Variants in CCNB3 observed in about 807,000 individuals in gnomAD.
The protein encoded by CCNB3 is G2/mitotic-specific cyclin-B3.
CCNB3 carries 12 observed loss-of-function variants against 68.0 expected under a neutral mutation model. That is an observed-to-expected ratio of 0.18 (90% CI 0.11 to 0.29). The LOEUF is 0.29. CCNB3 is among the 10% of genes least tolerant of loss of function. The pLI, the probability that CCNB3 is intolerant of heterozygous loss-of-function variation, is 1.00. For synonymous variants in CCNB3, 354 were observed against 388.9 expected (o/e 0.91, Z 1.06); for missense variants, 904 against 993.1 (o/e 0.91, Z 1.21).
intron 1 of CCNB3, among the ~76,000 whole-genome samples, chrX:50,281,166 A>C (rs911174733): frequency 9.0e-6 from 1 of 111,204 alleles, no homozygotes; most frequent in Non-Finnish European, 1.9e-5. Flanking sequence ...CTTCAGAGGC[A>C]GAGTTGGATT....
intron 5 of CCNB3, among the ~76,000 whole-genome samples, chrX:50,305,098 G>A (rs782048000): frequency 0.023 from 2,575 of 111,636 alleles, 64 homozygotes; most frequent in African/African-American, 0.081. Flanking sequence ...TCAGTGTGGC[G>A]ATTCCTCAGG....
Position 50,310,311 on chromosome X carries a change from G to A in CCNB3, c.2142G>A (p.Gln714=). ...CCTTGAAGAACTTGTTGGCTTTGCA[G>A]GAGAAAAGCACCATGGAAGAAGAGT... ...EDSLKNLLAL[Q]EKSTMEEESL... Residue 714 remains glutamine (Q), a synonymous_variant, in exon 6 of 13, where the codon CAG becomes CAA. Transcript: ENST00000376042. 1 of 1,211,495 alleles carries A rather than the reference G, an allele frequency of 8.3e-7. No individual in the cohort carries two copies. The highest frequency in any genetic ancestry group is 1.7e-5 in the African/African-American group (1 of 57,935).
intron 1 of CCNB3, among the ~76,000 whole-genome samples, chrX:50,220,345 C>T (rs1207793978): frequency 8.1e-5 from 9 of 111,297 alleles, no homozygotes; most frequent in African/African-American, 2.0e-4. Context: ...TGTCTTGTGC[C>T]GGTTTTCAAA....
At chrX:50,324,560 CT>C (rs1197221189) in intron 8 of CCNB3, among the ~76,000 whole-genome samples, 1 of 112,064 alleles carries the variant, frequency 8.9e-6, no homozygotes, top group African/African-American at 3.2e-5. Context: ...TCCTCTTTGT[CT>C]TTTCAAAGAA....
intron 8 of CCNB3, among the ~76,000 whole-genome samples, chrX:50,334,284 A>G (rs1232446703): frequency 8.9e-6 from 1 of 112,794 alleles, no homozygotes; most frequent in Non-Finnish European, 1.9e-5. Context: ...CTACACAGTT[A>G]TGCTCTACCA....
chrX:50,306,729 A>G (rs1921096690), intron 5 of CCNB3, among the ~76,000 whole-genome samples: 1 of 111,950 alleles, frequency 8.9e-6, no homozygotes, highest in East Asian at 2.8e-4. Flanking sequence ...TGAGATGATC[A>G]TGTCGTTTTT....
chrX:50,335,229 A>T (rs993223728), intron 8 of CCNB3, among the ~76,000 whole-genome samples: 1 of 112,009 alleles, frequency 8.9e-6, no homozygotes, highest in African/African-American at 3.2e-5. Context: ...GAGTAGTGAC[A>T]CCTGACTCCG....
chrX:50,340,026 A>G (rs1377763199), intron 8 of CCNB3, among the ~76,000 whole-genome samples: 2 of 112,246 alleles, frequency 1.8e-5, no homozygotes, highest in Non-Finnish European at 3.8e-5. Context: ...GAGTAGATCC[A>G]AGGCCATATT....
upstream of CCNB3, among the ~76,000 whole-genome samples, chrX:50,204,176 C>T (rs1325094098): frequency 3.6e-5 from 4 of 111,358 alleles, no homozygotes; most frequent in Non-Finnish European, 7.5e-5. Context: ...AAACATAATT[C>T]AGAAATCACA....
chrX:50,310,193 T>A lies in CCNB3; in HGVS notation c.2024T>A (p.Leu675Gln). The change falls in exon 6 of 13, where the codon CTA (leucine) becomes CAA (glutamine). Residue 675 changes from leucine (L) to glutamine (Q), a missense_variant. Leu to Gln is a moderately radical substitution (Grantham distance 113). Transcript: ENST00000376042. ...ATTEEEFSQE[L>Q]FSLHVKHTNK... is the part of the protein sequence containing the mutation. The stretch of plus-strand genomic sequence containing the variant: ...ACTGAGGAGGAATTCTCTCAGGAAC[T>A]ATTTTCATTGCATGTTAAGCATACC... 1 of 1,209,521 alleles carries A rather than the reference T, an allele frequency of 8.3e-7. No individual in the cohort carries two copies. The highest frequency in any genetic ancestry group is 1.8e-5 in the South Asian group (1 of 56,398).
intron 11 of CCNB3, 74 bp from the exon 12 acceptor site, chrX:50,351,167 G>C (rs982697944): frequency 8.3e-5 from 94 of 1,129,377 alleles, no homozygotes; most frequent in Non-Finnish European, 1.0e-4. Flanking sequence ...GGGAAGCTTA[G>C]ACTTGGGATA....
At chrX:50,335,166 G>A (rs1471437777) in intron 8 of CCNB3, among the ~76,000 whole-genome samples, 1 of 111,933 alleles carries the variant, frequency 8.9e-6, no homozygotes, top group Non-Finnish European at 1.9e-5. Context: ...GGGCCTCCCC[G>A]AAGATAGTAA....
At chrX:50,322,919 A>G (rs1261077406) in intron 8 of CCNB3, among the ~76,000 whole-genome samples, 2 of 111,338 alleles carry the variant, frequency 1.8e-5, no homozygotes, top group Non-Finnish European at 3.8e-5. Context: ...TCAGGAAACA[A>G]CAGGTGCTGG....
In CCNB3 at chrX:50,312,536, G is replaced by A. The variant is rs781942360; in HGVS notation, c.3328-1G>A. 1.7e-6 allele frequency: 2 copies of A among 1,198,291 alleles called. No individual in the cohort carries two copies. The highest frequency in any genetic ancestry group is 1.8e-5 in the South Asian group (1 of 55,989). On this transcript the variant is annotated splice_acceptor_variant, in intron 6 of 12. Transcript: ENST00000376042. LOFTEE classifies it high-confidence loss of function. ...ATGTCTTTTTGGTGATTTCTAAGCA[G>A]ATAACCCCACGGGAAGATATTGATG...
intron 5 of CCNB3, among the ~76,000 whole-genome samples, chrX:50,305,028 G>T (rs1557213280): frequency 1.8e-5 from 2 of 111,583 alleles, no homozygotes; most frequent in East Asian, 2.8e-4. Flanking sequence ...AGGATGTGGA[G>T]AAATAGGAAC....
chrX:50,226,044 T>C (rs1935754865), intron 1 of CCNB3, among the ~76,000 whole-genome samples: 1 of 87,702 alleles, frequency 1.1e-5, no homozygotes. Context: ...AGAATATATA[T>C]ACAAATATAT....
At chrX:50,220,327 G>A (rs1266382608) in intron 1 of CCNB3, among the ~76,000 whole-genome samples, 5 of 111,506 alleles carry the variant, frequency 4.5e-5, no homozygotes, top group African/African-American at 1.6e-4. Context: ...GGTGAGAGAG[G>A]GCATCCTTGT....
intron 8 of CCNB3, 50 bp from the exon 9 acceptor site, chrX:50,342,152 C>T: frequency 8.3e-7 from 1 of 1,206,211 alleles, no homozygotes; most frequent in South Asian, 1.8e-5. Context: ...CTGGAGGCGA[C>T]TTTGGAGCTG....
chrX:50,226,912 GTA>G (rs1491108667), intron 1 of CCNB3, among the ~76,000 whole-genome samples: 10 of 43,691 alleles, frequency 2.3e-4, no homozygotes, highest in African/African-American at 4.0e-4. Context: ...AGAATATATA[GTA>G]TATATATAGA....
Sources: gnomAD v4.1 joint callset for allele counts (sites outside exome capture counted in the v4.1 genomes callset) on GRCh38, gnomAD v4.1.1 for gene constraint, MANE v1.5 for transcripts, NCBI Gene and HGNC (gene_info 2026-07-23, HGNC 2026-07-21) for gene names.